ADGRL2: variants seen among roughly 807,000 people sequenced by gnomAD.
ADGRL2 encodes the protein adhesion G protein-coupled receptor L2.
ADGRL2 carries 44 observed loss-of-function variants against 157.4 expected under a neutral mutation model. The ratio of observed to expected loss-of-function variants is 0.28; its 90% CI spans 0.22 to 0.36. The LOEUF is 0.36. Among genes scored for constraint, ADGRL2 ranks in the 10% least tolerant of loss-of-function variants. The probability of loss-of-function intolerance (pLI) is 1.00; values close to 1 mark genes in which losing one functional copy is unlikely to be tolerated. For missense variants in ADGRL2, 1,510 were observed against 1,768.9 expected (o/e 0.85, Z 2.63); for synonymous variants, 585 against 624.7 (o/e 0.94, Z 0.95).
chr1:81,731,037 T>G (rs928689744), intron 1 of ADGRL2, among the ~76,000 whole-genome samples: 1 of 152,178 alleles, frequency 6.6e-6, no homozygotes, highest in Non-Finnish European at 1.5e-5. Context: ...TATTACTTCC[T>G]CAACATCTCA....
At chr1:81,399,442 G>C (rs145302060) in intron 1 of ADGRL2, among the ~76,000 whole-genome samples, 1 of 151,922 alleles carries the variant, frequency 6.6e-6, no homozygotes, top group African/African-American at 2.4e-5. Flanking sequence ...TAGTGGTATC[G>C]CATAAGTCTT....
At chr1:81,366,182 A>T (rs2076063177) in intron 1 of ADGRL2, among the ~76,000 whole-genome samples, 1 of 152,144 alleles carries the variant, frequency 6.6e-6, no homozygotes, top group African/African-American at 2.4e-5. Context: ...TAAATTGTTT[A>T]CTACAGTAAT....
intron 1 of ADGRL2, among the ~76,000 whole-genome samples, chr1:81,710,892 T>C (rs1048679276): frequency 2.0e-5 from 3 of 151,976 alleles, no homozygotes; most frequent in African/African-American, 4.8e-5. Flanking sequence ...TCTGAAACCA[T>C]ATCAATGAAC....
At chr1:81,844,071 A>C (rs2092698072) in intron 2 of ADGRL2, among the ~76,000 whole-genome samples, 1 of 152,136 alleles carries the variant, frequency 6.6e-6, no homozygotes, top group African/African-American at 2.4e-5. Context: ...ATTTCGGTAA[A>C]CCTCCATTTT....
chr1:81,515,047 C>A (rs1271064153), intron 2 of ADGRL2: 1 of 152,150 alleles, frequency 6.6e-6, no homozygotes, highest in African/African-American at 2.4e-5. Flanking sequence ...CACTGACAGC[C>A]TATATCTAAT....
intron 3 of ADGRL2, among the ~76,000 whole-genome samples, chr1:81,691,442 A>G (rs1428145272): frequency 6.6e-6 from 1 of 152,058 alleles, no homozygotes; most frequent in Non-Finnish European, 1.5e-5. Context: ...AAGAATTCAG[A>G]GTATTTTGAT....
At chr1:81,537,457 A>ATTTT (rs940015801) in intron 2 of ADGRL2, among the ~76,000 whole-genome samples, 1 of 149,834 alleles carries the variant, frequency 6.7e-6, no homozygotes, top group Non-Finnish European at 1.5e-5. Context: ...CTAATTTTGT[A>ATTTT]TTTTTTTTAG....
Position 81,986,981 on chromosome 1 carries a change from G to C in ADGRL2, c.3589G>C (p.Glu1197Gln). 1 of 1,611,568 alleles carries C rather than the reference G, an allele frequency of 6.2e-7. No individual in the cohort carries two copies. Among genetic ancestry groups the C allele is most frequent in the Non-Finnish European group, 8.5e-7 (1 of 1,179,246 alleles). Reference protein sequence around the residue: ...TNNPYNTLLAETVVCNAPSAP... With the variant: ...TNNPYNTLLAQTVVCNAPSAP... ...CAACCCCTATAACACATTGCTCGCT[G>C]AAACAGTTGTATGTAATGCCCCTTC... The change falls in exon 22 of 24, where the codon GAA (glutamate) becomes CAA (glutamine). Residue 1197 changes from glutamate (E) to glutamine (Q), a missense_variant. Glu to Gln is a conservative substitution (Grantham distance 29, BLOSUM62 2). Transcript: ENST00000686636.
At chr1:81,458,118 T>C (rs1421118536) in intron 2 of ADGRL2, among the ~76,000 whole-genome samples, 2 of 152,174 alleles carry the variant, frequency 1.3e-5, no homozygotes, top group African/African-American at 2.4e-5. Flanking sequence ...GTTGCCCAAA[T>C]TGACAAACTC....
chr1:81,903,728 T>C (rs12128951), intron 2 of ADGRL2, among the ~76,000 whole-genome samples: 23 of 146,334 alleles, frequency 1.6e-4, no homozygotes, highest in East Asian at 5.9e-4. Context: ...TATATATATA[T>C]ACATTATATA....
chr1:81,807,480 C>T (rs2089308702), intron 1 of ADGRL2, among the ~76,000 whole-genome samples: 1 of 151,466 alleles, frequency 6.6e-6, no homozygotes, highest in South Asian at 2.1e-4. Context: ...TGAGACTATT[C>T]TCTAAAATCT....
intron 2 of ADGRL2, among the ~76,000 whole-genome samples, chr1:81,558,454 A>G (rs532594928): frequency 6.6e-6 from 1 of 152,192 alleles, no homozygotes; most frequent in African/African-American, 2.4e-5. Context: ...CTTTCATAGT[A>G]TGTTCTCCCT....
intron 2 of ADGRL2, among the ~76,000 whole-genome samples, chr1:81,864,262 T>C (rs988270802): frequency 4.0e-5 from 6 of 151,898 alleles, no homozygotes; most frequent in African/African-American, 1.5e-4. Context: ...GCAAGAAGTT[T>C]TTTTTAAATG....
chr1:81,775,319 T>C (rs938979869), intron 2 of ADGRL2, among the ~76,000 whole-genome samples: 2 of 152,140 alleles, frequency 1.3e-5, no homozygotes, highest in African/African-American at 4.8e-5. Context: ...AGCATGATCC[T>C]AGAAAAGGGT....
At chr1:81,827,539 T>C (rs1286662886) in intron 1 of ADGRL2, among the ~76,000 whole-genome samples, 1 of 152,240 alleles carries the variant, frequency 6.6e-6, no homozygotes, top group Non-Finnish European at 1.5e-5. Context: ...AAGGTATACA[T>C]ATGGCTCTGT....
intron 1 of ADGRL2, among the ~76,000 whole-genome samples, chr1:81,702,903 T>G (rs1033423590): frequency 1.3e-5 from 2 of 152,092 alleles, no homozygotes; most frequent in African/African-American, 4.8e-5. Context: ...AGATAATACA[T>G]TTGTAAAGAA....
At chr1:81,371,540 T>C (rs2076160677) in intron 1 of ADGRL2, among the ~76,000 whole-genome samples, 1 of 152,236 alleles carries the variant, frequency 6.6e-6, no homozygotes, top group Non-Finnish European at 1.5e-5. Flanking sequence ...ATGTAAAGCA[T>C]TTGGCATAGC....
At chr1:81,671,416 C>T (rs1391309576) in intron 3 of ADGRL2, among the ~76,000 whole-genome samples, 2 of 152,160 alleles carry the variant, frequency 1.3e-5, no homozygotes, top group Non-Finnish European at 2.9e-5. Context: ...GTTTTTAAAT[C>T]AGTGTTTCTC....
intron 1 of ADGRL2, among the ~76,000 whole-genome samples, chr1:81,376,246 G>A (rs1307051365): frequency 6.6e-6 from 1 of 152,166 alleles, no homozygotes; most frequent in Non-Finnish European, 1.5e-5. Context: ...GAACCATTAG[G>A]CATTTTCCCA....
Sources: allele counts gnomAD v4.1 joint callset (sites outside exome capture counted in the v4.1 genomes callset), GRCh38; gene constraint gnomAD v4.1.1; transcripts MANE v1.5; gene names NCBI Gene and HGNC (gene_info 2026-07-23, HGNC 2026-07-21).